MAML3: variants seen among roughly 807,000 people sequenced by gnomAD.
MAML3 encodes mastermind like transcriptional coactivator 3.
Under a neutral mutation model 101.9 loss-of-function variants are expected in MAML3, and 27 were observed. The observed-to-expected ratio is 0.27, with a 90% CI of 0.20 to 0.37. The LOEUF (loss-of-function observed/expected upper bound fraction) is 0.37. MAML3 is among the 10% of genes least tolerant of loss of function. The pLI is 1.00. For synonymous variants in MAML3, 501 were observed against 555.9 expected, an observed-to-expected ratio of 0.90 and a Z score of 1.39; for missense variants, 1,316 against 1,444.9, an observed-to-expected ratio of 0.91 and a Z score of 1.45.
At chr4:139,866,388 G>C (rs1731900330) in intron 2 of MAML3, among the ~76,000 whole-genome samples, 4 of 152,166 alleles carry the variant, frequency 2.6e-5, no homozygotes, top group Admixed American at 2.0e-4. Context: ...ACAGAACAAA[G>C]TTTGGACCTT....
intron 2 of MAML3, among the ~76,000 whole-genome samples, chr4:139,804,065 G>A (rs1199553994): frequency 6.6e-6 from 1 of 152,150 alleles, no homozygotes; most frequent in Admixed American, 6.5e-5. Flanking sequence ...TGCCCCTGAA[G>A]AGCTGTGTGC....
intron 2 of MAML3, among the ~76,000 whole-genome samples, chr4:139,759,449 C>T (rs1420411822): frequency 6.6e-6 from 1 of 152,218 alleles, no homozygotes; most frequent in Middle Eastern, 3.2e-3. Context: ...CCCGGCCTGA[C>T]TCCTCACCTT....
chr4:140,066,502 C>T (rs1313587343), intron 1 of MAML3, among the ~76,000 whole-genome samples: 2 of 152,182 alleles, frequency 1.3e-5, no homozygotes, highest in Non-Finnish European at 2.9e-5. Context: ...GAAGTACAGA[C>T]TTCTCAGGCC....
chr4:139,862,840 C>T (rs1731811225), intron 2 of MAML3, among the ~76,000 whole-genome samples: 1 of 152,138 alleles, frequency 6.6e-6, no homozygotes, highest in Non-Finnish European at 1.5e-5. Flanking sequence ...TGGAGCAGTA[C>T]AGGCTGGATT....
At chr4:140,007,395 C>T (rs532666879) in intron 1 of MAML3, among the ~76,000 whole-genome samples, 2 of 152,248 alleles carry the variant, frequency 1.3e-5, no homozygotes, top group East Asian at 3.9e-4. Flanking sequence ...CTTTTCCTTC[C>T]TGGGATTCTT....
Position 140,046,492 on chromosome 4 carries a change from A to G in MAML3, c.468+106368T>C, listed in dbSNP as rs566553407. Reference sequence around the variant, plus strand: ...GAACTTCTTTGTGATCTCATTATCTAATTTAAAATATTCACAGAAAACTTC... The same window carrying G: ...GAACTTCTTTGTGATCTCATTATCTGATTTAAAATATTCACAGAAAACTTC... On this transcript the variant is annotated intron_variant, in intron 1 of 4. Coordinates refer to ENST00000509479, the MANE Select transcript of MAML3 (RefSeq NM_018717.5). 5.3e-5 allele frequency among the ~76,000 whole-genome samples: 8 copies of G among 152,320 alleles called. No homozygotes were observed. In the East Asian group the frequency reaches 1.4e-3, roughly 26 times the overall value.
intron 1 of MAML3, among the ~76,000 whole-genome samples, chr4:139,943,818 G>A (rs1445329723): frequency 6.7e-6 from 1 of 148,198 alleles, no homozygotes; most frequent in Non-Finnish European, 1.5e-5. Flanking sequence ...AAAACATCTG[G>A]AATACAATAT....
chr4:140,086,887 C>T (rs927565128), intron 1 of MAML3, among the ~76,000 whole-genome samples: 3 of 152,168 alleles, frequency 2.0e-5, no homozygotes, highest in South Asian at 2.1e-4. Context: ...AGGCCGGGCA[C>T]GGTGGCTCAC....
At chr4:140,112,649 C>T (rs921257095) in intron 1 of MAML3, among the ~76,000 whole-genome samples, 1 of 152,222 alleles carries the variant, frequency 6.6e-6, no homozygotes, top group African/African-American at 2.4e-5. Context: ...ATGGTGGCAA[C>T]AAGGGCCAGC....
At chr4:139,960,211 T>A (rs558574936) in intron 1 of MAML3, among the ~76,000 whole-genome samples, 1 of 152,344 alleles carries the variant, frequency 6.6e-6, no homozygotes, top group Admixed American at 6.5e-5. Context: ...ACACAGAGAA[T>A]AAGAATCTTG....
chr4:140,081,602 G>C (rs1021743686), intron 1 of MAML3, among the ~76,000 whole-genome samples: 1 of 152,242 alleles, frequency 6.6e-6, no homozygotes, highest in Non-Finnish European at 1.5e-5. Context: ...GGAGGAATAA[G>C]TCAACAGTGC....
At chr4:140,133,077 T>C (rs1045204850) in intron 1 of MAML3, 2 of 444,842 alleles carry the variant, frequency 4.5e-6, no homozygotes, top group African/African-American at 4.0e-5. Flanking sequence ...TGGATTTCTA[T>C]CAAAAGGAGC....
At chr4:139,951,826 G>A (rs970354925) in intron 1 of MAML3, among the ~76,000 whole-genome samples, 2 of 151,898 alleles carry the variant, frequency 1.3e-5, no homozygotes, top group African/African-American at 4.8e-5. Flanking sequence ...TATTAAGGGG[G>A]GCCAAGGGGT....
intron 1 of MAML3, among the ~76,000 whole-genome samples, chr4:139,927,796 C>A (rs1270684988): frequency 1.3e-5 from 2 of 152,154 alleles, no homozygotes; most frequent in African/African-American, 4.8e-5. Context: ...TGTCTTTTTT[C>A]TGTGCCTTTC....
chr4:139,839,213 A>G (rs1303624885), intron 2 of MAML3, among the ~76,000 whole-genome samples: 2 of 152,154 alleles, frequency 1.3e-5, no homozygotes, highest in Non-Finnish European at 2.9e-5. Context: ...CACAAGGAAC[A>G]AGGTCTAGGT....
Position 139,941,544 on chromosome 4 carries a change from G to GTT in MAML3, c.469-50578_469-50577insAA, listed in dbSNP as rs1560843513. 1.9e-3 allele frequency among the ~76,000 whole-genome samples: 260 copies of GTT among 139,926 alleles called. 3 individuals carry two copies. The highest frequency in any genetic ancestry group is 1.6e-3 in the Non-Finnish European group (107 of 66,932). 91.8% of individuals were successfully genotyped at this position (139,926 alleles called of 152,430 possible). ...CTAATGTGTTGTTGTTGTTGTTGTT[G>GTT]GTGGTGGTGGTGGTGGTGGTGGTAT... is the stretch of plus-strand genomic sequence containing the variant. On this transcript the variant is annotated intron_variant, in intron 1 of 4. Coordinates refer to ENST00000509479, the MANE Select transcript of MAML3 (RefSeq NM_018717.5).
At chr4:139,927,007 T>G (rs1733276660) in intron 1 of MAML3, among the ~76,000 whole-genome samples, 1 of 152,212 alleles carries the variant, frequency 6.6e-6, no homozygotes, top group Non-Finnish European at 1.5e-5. Flanking sequence ...TGAGGAGAAC[T>G]GATGAAAATG....
intron 2 of MAML3, among the ~76,000 whole-genome samples, chr4:139,738,552 CA>C (rs1366999244): frequency 1.3e-5 from 2 of 151,112 alleles, no homozygotes; most frequent in African/African-American, 4.9e-5. Flanking sequence ...CTCAAACAAA[CA>C]AAAAAAAGGT....
chr4:140,119,939 G>A (rs951608533), intron 1 of MAML3, among the ~76,000 whole-genome samples: 21 of 152,042 alleles, frequency 1.4e-4, no homozygotes, highest in African/African-American at 5.1e-4. Flanking sequence ...GTCTCCTGAG[G>A]TTAAAAGCTA....
Sources: gnomAD v4.1 joint callset for allele counts (sites outside exome capture counted in the v4.1 genomes callset) on GRCh38, gnomAD v4.1.1 for gene constraint, MANE v1.5 for transcripts, NCBI Gene and HGNC (gene_info 2026-07-23, HGNC 2026-07-21) for gene names.